The following CADM2 variants were observed in gnomAD, a reference collection of about 807,000 sequenced individuals.
The protein encoded by CADM2 is cell adhesion molecule 2, also known as immunoglobulin superfamily member 4D.
A neutral mutation model predicts 49.8 loss-of-function variants in CADM2; 12 were observed. That is an observed-to-expected ratio of 0.24 (90% CI 0.15 to 0.39). CADM2 has a LOEUF of 0.39. CADM2 is among the 10% of genes least tolerant of loss of function. The pLI is 1.00. For missense variants in CADM2, 378 were observed against 492.3 expected (o/e 0.77, Z 2.20); for synonymous variants, 214 against 175.4 (o/e 1.22, Z -1.74).
At chr3:85,388,302 G>A (rs2034347304) in intron 1 of CADM2, among the ~76,000 whole-genome samples, 2 of 152,276 alleles carry the variant, frequency 1.3e-5, no homozygotes, top group Admixed American at 6.5e-5. Flanking sequence ...AGAAATCATA[G>A]GAGACTTTGG....
chr3:85,871,369 A>G (rs923207321), intron 3 of CADM2, among the ~76,000 whole-genome samples: 12 of 152,166 alleles, frequency 7.9e-5, no homozygotes, highest in Non-Finnish European at 1.6e-4. Context: ...CTTATATTTA[A>G]TAAGATACCA....
intron 1 of CADM2, among the ~76,000 whole-genome samples, chr3:84,988,792 G>A (rs909258044): frequency 4.0e-5 from 6 of 151,790 alleles, no homozygotes; most frequent in South Asian, 4.2e-4. Flanking sequence ...CCATATTTCC[G>A]TAAATGCAAT....
In CADM2 at chr3:85,568,512, T is replaced by C. The variant is rs548815327; in HGVS notation, c.62-158010T>C. 3.4e-4 allele frequency among the ~76,000 whole-genome samples: 46 copies of C among 136,644 alleles called. 2 individuals carry two copies. Among genetic ancestry groups the C allele is most frequent in the African/African-American group, 1.4e-3 (41 of 29,160 alleles). 89.6% of individuals were successfully genotyped at this position (136,644 alleles called of 152,430 possible). The stretch of plus-strand genomic sequence containing the variant: ...CTTTCTTTCTTTCTTTCTTTCTTTC[T>C]TTCCTCCCTCCCTCCCTCTCTCTTT... On this transcript the variant is annotated intron_variant, in intron 1 of 9. Transcript: ENST00000383699.
chr3:85,559,003 G>C (rs2062025832), intron 1 of CADM2, among the ~76,000 whole-genome samples: 1 of 152,058 alleles, frequency 6.6e-6, no homozygotes, highest in Non-Finnish European at 1.5e-5. Context: ...GATTATATGA[G>C]AGTTAGATTG....
intron 1 of CADM2, among the ~76,000 whole-genome samples, chr3:85,339,338 T>C (rs1317258563): frequency 1.3e-5 from 2 of 151,366 alleles, no homozygotes; most frequent in Admixed American, 6.6e-5. Flanking sequence ...CACAAAGTAC[T>C]GAAAGAATAT....
chr3:85,135,361 A>G (rs1029838679), intron 1 of CADM2, among the ~76,000 whole-genome samples: 5 of 152,082 alleles, frequency 3.3e-5, no homozygotes, highest in African/African-American at 1.2e-4. Flanking sequence ...TTGTAGTAAT[A>G]TATAATTATG....
At chr3:85,055,973 C>G (rs1225189393) in intron 1 of CADM2, among the ~76,000 whole-genome samples, 1 of 151,962 alleles carries the variant, frequency 6.6e-6, no homozygotes, top group East Asian at 1.9e-4. Flanking sequence ...ATTATAATAG[C>G]CCAGTATTGT....
intron 1 of CADM2, among the ~76,000 whole-genome samples, chr3:85,064,612 T>C (rs543118466): frequency 1.3e-5 from 2 of 152,228 alleles, no homozygotes; most frequent in South Asian, 4.1e-4. Context: ...TCTTATTTTG[T>C]TCATAGAGAA....
intron 1 of CADM2, among the ~76,000 whole-genome samples, chr3:85,267,085 C>A (rs1029479778): frequency 2.0e-5 from 3 of 151,694 alleles, no homozygotes; most frequent in Admixed American, 6.6e-5. Flanking sequence ...GAATAAATTG[C>A]AAATGTATAT....
rs1352244143 is a variant in CADM2, at chr3:85,428,448, A to G, written c.62-298074A>G. 2.1e-5 allele frequency among the ~76,000 whole-genome samples: 3 copies of G among 145,554 alleles called. No individual in the cohort carries two copies. The East Asian group carries it at 6.1e-4, about 29-fold the overall frequency. On this transcript the variant is annotated intron_variant, in intron 1 of 9. Coordinates refer to ENST00000383699, the MANE Select transcript of CADM2 (RefSeq NM_001167675.2). The stretch of plus-strand genomic sequence containing the variant: ...GGCTTATATATATATATAGATATAT[A>G]TGATATATATGATATGTATCATACT...
At chr3:85,744,993 A>C (rs943136587) in intron 2 of CADM2, among the ~76,000 whole-genome samples, 2 of 152,104 alleles carry the variant, frequency 1.3e-5, no homozygotes, top group Admixed American at 1.3e-4. Flanking sequence ...GGGAAGAGTT[A>C]ATGGTGGTTT....
At chr3:85,713,836 A>G (rs2067197910) in intron 1 of CADM2, among the ~76,000 whole-genome samples, 1 of 152,222 alleles carries the variant, frequency 6.6e-6, no homozygotes, top group South Asian at 2.1e-4. Context: ...TACAAAATAT[A>G]TGTTAAGTAT....
intron 1 of CADM2, among the ~76,000 whole-genome samples, chr3:85,220,986 T>C (rs1227804922): frequency 1.3e-5 from 2 of 152,178 alleles, no homozygotes; most frequent in South Asian, 2.1e-4. Flanking sequence ...TTGTCATTGT[T>C]AGATGTCTTT....
intron 1 of CADM2, among the ~76,000 whole-genome samples, chr3:84,994,680 TA>T (rs2033078487): frequency 6.6e-6 from 1 of 152,208 alleles, no homozygotes; most frequent in African/African-American, 2.4e-5. Context: ...TAAACTGCTT[TA>T]AAAAGTTTAT....
intron 1 of CADM2, among the ~76,000 whole-genome samples, chr3:85,237,876 A>AT (rs1398528724): frequency 3.3e-5 from 5 of 151,910 alleles, no homozygotes; most frequent in South Asian, 4.1e-4. Context: ...ATTAATTGCC[A>AT]TTTTTTCTCT....
At chr3:85,751,995 A>G (rs2068879709) in intron 2 of CADM2, among the ~76,000 whole-genome samples, 1 of 152,166 alleles carries the variant, frequency 6.6e-6, no homozygotes, top group African/African-American at 2.4e-5. Flanking sequence ...GGGCCCTAGC[A>G]CAAAACACTC....
At chr3:84,988,952 G>A (rs1003819737) in intron 1 of CADM2, among the ~76,000 whole-genome samples, 2 of 152,084 alleles carry the variant, frequency 1.3e-5, no homozygotes, top group Non-Finnish European at 2.9e-5. Context: ...AACATCTGCT[G>A]TGTTCTAGAT....
intron 1 of CADM2, among the ~76,000 whole-genome samples, chr3:85,488,540 G>T (rs1481257429): frequency 1.3e-5 from 2 of 151,742 alleles, no homozygotes; most frequent in East Asian, 1.9e-4. Flanking sequence ...GTTTTGTTTT[G>T]TTTTTGTTTT....
At position 85,547,235 on chromosome 3, in the gene CADM2, C is replaced by A. The variant is rs1231104728; in HGVS notation, c.62-179287C>A. On this transcript the variant is annotated intron_variant, in intron 1 of 9. Transcript: ENST00000383699. ...TATAATATCTAACAAATGGATAGTT[C>A]TTTGCAAATATTTGTTCAGTGCTAA... is the stretch of plus-strand genomic sequence containing the variant. Among the ~76,000 whole-genome samples, 4 of 151,940 alleles carry A rather than the reference C, an allele frequency of 2.6e-5. No individual in the cohort carries two copies. In the East Asian group the frequency reaches 5.8e-4, roughly 22 times the overall value.
Sources: allele counts gnomAD v4.1 joint callset (sites outside exome capture counted in the v4.1 genomes callset), GRCh38; gene constraint gnomAD v4.1.1; transcripts MANE v1.5; gene names NCBI Gene and HGNC (gene_info 2026-07-23, HGNC 2026-07-21).